Variants in CNOT1 observed in about 807,000 individuals in gnomAD.
CNOT1 encodes the protein CCR4-associated factor 1.
Under a neutral mutation model 273.8 loss-of-function variants are expected in CNOT1, and 15 were observed. That is an observed-to-expected ratio of 0.05 (90% CI 0.04 to 0.08). CNOT1 has a LOEUF of 0.08. Ranked by LOEUF, CNOT1 falls within the 10% of genes least tolerant of loss-of-function variation. CNOT1 has a pLI of 1.00. For synonymous variants in CNOT1, 1,022 were observed against 1,005.5 expected (o/e 1.02, Z -0.31); for missense variants, 1,644 against 2,912.2 (o/e 0.56, Z 10.02).
chr16:58,596,533 CAGT>C (rs897290503), intron 2 of CNOT1, among the ~76,000 whole-genome samples: 8 of 152,006 alleles, frequency 5.3e-5, no homozygotes, highest in African/African-American at 9.7e-5. Context: ...GACAGGTAAA[CAGT>C]GGTGGTGAGG....
chr16:58,577,903 T>C (rs956286050), intron 13 of CNOT1, among the ~76,000 whole-genome samples: 1 of 151,412 alleles, frequency 6.6e-6, no homozygotes, highest in Non-Finnish European at 1.5e-5. Flanking sequence ...GAATACTTAC[T>C]TGCCAAATAC....
At chr16:58,543,000 C>T (rs1435944621) in intron 31 of CNOT1, among the ~76,000 whole-genome samples, 1 of 151,942 alleles carries the variant, frequency 6.6e-6, no homozygotes, top group Non-Finnish European at 1.5e-5. Flanking sequence ...GGCTGAAGCA[C>T]GAGAATCAGT....
In CNOT1 at chr16:58,588,105, C is replaced by A. The variant is rs189625187; in HGVS notation, c.211-227G>T. Among the ~76,000 whole-genome samples the A allele has an allele frequency of 4.2e-3, 633 of 152,238 alleles. 5 individuals carry two copies. Among genetic ancestry groups the A allele is most frequent in the African/African-American group, 0.014 (592 of 41,554 alleles). ...CCTGAGGCCAGGAGTTCAACACCTGCCTGGCCAACATGGTAAAACCCTCTC... is the reference window on the plus strand; with the variant it reads ...CCTGAGGCCAGGAGTTCAACACCTGACTGGCCAACATGGTAAAACCCTCTC... On this transcript the variant is annotated intron_variant, in intron 3 of 48. Transcript: ENST00000317147.
chr16:58,536,333 TCA>T (rs2039929081), intron 39 of CNOT1, among the ~76,000 whole-genome samples: 2 of 152,210 alleles, frequency 1.3e-5, no homozygotes. Flanking sequence ...TCTGATTCCC[TCA>T]CAGTCGCTGA....
At chr16:58,541,255 T>G (rs1328671477) in intron 34 of CNOT1, among the ~76,000 whole-genome samples, 5 of 152,166 alleles carry the variant, frequency 3.3e-5, no homozygotes, top group Non-Finnish European at 7.3e-5. Flanking sequence ...GTTATTATGT[T>G]ACCATGAGAA....
At chr16:58,600,360 T>A (rs2042416761) in intron 1 of CNOT1, among the ~76,000 whole-genome samples, 1 of 152,154 alleles carries the variant, frequency 6.6e-6, no homozygotes. Context: ...TCCAAAGAGT[T>A]TCATTTTAGT....
chr16:58,614,146 A>G lies in CNOT1; in HGVS notation c.-174-14635T>C, dbSNP rs1387118077. 1.6e-5 allele frequency among the ~76,000 whole-genome samples: 2 copies of G among 122,224 alleles called. 1 individual carries two copies. The highest frequency in any genetic ancestry group is 3.9e-5 in the Non-Finnish European group (2 of 51,758). 80.2% of individuals were successfully genotyped at this position (122,224 alleles called of 152,430 possible). A position where few individuals can be genotyped will look rare whatever the true frequency, so the allele number is the denominator to read the frequency against. Reference sequence around the variant, plus strand: ...TCTCAAAACCAAAAAATATTATGCCAGTAGCTTTGCATATTCCAAGACTCT... The same window carrying G: ...TCTCAAAACCAAAAAATATTATGCCGGTAGCTTTGCATATTCCAAGACTCT... On this transcript the variant is annotated intron_variant, in intron 1 of 48. Transcript: ENST00000317147.
At chr16:58,585,253 T>A in intron 8 of CNOT1, 85 bp downstream of exon 8, 1 of 1,568,424 alleles carries the variant, frequency 6.4e-7, no homozygotes, top group Non-Finnish European at 8.6e-7. Context: ...TGATTAACTT[T>A]AAGGAATTTT....
rs561002906 is a variant in CNOT1, at chr16:58,567,632, A to T, written c.1979+6977T>A. On this transcript the variant is annotated intron_variant, in intron 16 of 48. Transcript: ENST00000317147. ...TCCTCTCCTTCATAAAAGCAACTAG[A>T]AAAGTGTCTGAATCAACTTTTTCAG... 2.6e-5 allele frequency among the ~76,000 whole-genome samples: 4 copies of T among 152,178 alleles called. No individual in the cohort carries two copies. In the South Asian group the frequency reaches 8.3e-4, roughly 32 times the overall value.
At position 58,552,594 on chromosome 16, in the gene CNOT1, A is replaced by G. The variant is rs1378522054; in HGVS notation, c.2971-775T>C. Among the ~76,000 whole-genome samples, 6 of 152,182 alleles carry G rather than the reference A, an allele frequency of 3.9e-5. No individual in the cohort carries two copies. The East Asian group carries it at 1.2e-3, about 29-fold the overall frequency. ...TCTCAATCCACTCACTTGAATGAAT[A>G]TACTCCACATTCCCAGAGATTAAGT... On this transcript the variant is annotated intron_variant, in intron 22 of 48. Transcript: ENST00000317147.
At chr16:58,542,040 G>A (rs538472622) in intron 33 of CNOT1, among the ~76,000 whole-genome samples, 191 bp downstream of exon 33, 12 of 152,220 alleles carry the variant, frequency 7.9e-5, no homozygotes, top group Non-Finnish European at 1.2e-4. Context: ...CTCTGGAGGA[G>A]CAAGGGAATT....
At chr16:58,532,105 A>T in intron 41 of CNOT1, 30 bp from the exon 42 acceptor site, 1 of 1,613,666 alleles carries the variant, frequency 6.2e-7, no homozygotes, top group Non-Finnish European at 8.5e-7. Context: ...AGTCAGAAGC[A>T]CAGTCCAACT....
chr16:58,561,768 T>C (rs2040849481), intron 16 of CNOT1, among the ~76,000 whole-genome samples: 1 of 152,144 alleles, frequency 6.6e-6, no homozygotes, highest in Non-Finnish European at 1.5e-5. Context: ...ATGCAAATGG[T>C]TTTTAAAAAA....
chr16:58,598,741 A>G (rs2042356738), intron 2 of CNOT1, among the ~76,000 whole-genome samples: 1 of 152,124 alleles, frequency 6.6e-6, no homozygotes, highest in African/African-American at 2.4e-5. Flanking sequence ...TTCTATGGAA[A>G]ATAAAAAGCT....
rs58567423 is a variant in CNOT1, at chr16:58,596,887, C to CAAAAAAAAA, written c.102+2340_102+2348dup. On this transcript the variant is annotated intron_variant, in intron 2 of 48. Coordinates refer to ENST00000317147, the MANE Select transcript of CNOT1 (RefSeq NM_016284.5). Reference sequence around the variant, plus strand: ...TGGGCGACAAAGTGAGACTCCGTCTCAAAAAAAAAAAAAAAAAAAAAAAAA... The same window carrying CAAAAAAAAA: ...TGGGCGACAAAGTGAGACTCCGTCTCAAAAAAAAAAAAAAAAAAAAAAAAAAAAAAAAAA... Among the ~76,000 whole-genome samples, 26 of 69,980 alleles carry CAAAAAAAAA rather than the reference C, an allele frequency of 3.7e-4. 1 individual carries two copies. The highest frequency in any genetic ancestry group is 8.4e-4 in the African/African-American group (14 of 16,618). The allele number at this position is 69,980 out of a possible 152,430, so 45.9% of individuals were successfully genotyped here.
rs545793024 is a variant in CNOT1, at chr16:58,592,096, T to A, written c.103-3190A>T. ...TTTTAAGCTGTTTAATACAATTTTT[T>A]AATTATTTTACTCGTCTCCCCTTCC... On this transcript the variant is annotated intron_variant, in intron 2 of 48. Coordinates refer to ENST00000317147, the MANE Select transcript of CNOT1 (RefSeq NM_016284.5). Among the ~76,000 whole-genome samples the A allele has an allele frequency of 1.1e-4, 17 of 152,322 alleles. 1 individual carries two copies. In the East Asian group the frequency reaches 3.1e-3, roughly 28 times the overall value.
At chr16:58,609,729 T>C (rs2042823243) in intron 1 of CNOT1, among the ~76,000 whole-genome samples, 1 of 152,044 alleles carries the variant, frequency 6.6e-6, no homozygotes, top group Non-Finnish European at 1.5e-5. Context: ...ACCCAAGGTG[T>C]TGGGATTATA....
intron 1 of CNOT1, chr16:58,624,557 T>A (rs989054517): frequency 2.6e-5 from 4 of 152,154 alleles, no homozygotes; most frequent in Non-Finnish European, 5.9e-5. Context: ...TCCCAGCACT[T>A]TGGGAGGCTG....
intron 12 of CNOT1, among the ~76,000 whole-genome samples, chr16:58,579,923 G>C (rs1011101203): frequency 2.6e-5 from 4 of 152,100 alleles, no homozygotes; most frequent in African/African-American, 4.8e-5. Context: ...AAAAGCATTA[G>C]ATTTGGCCAG....
Sources: gnomAD v4.1 joint callset for allele counts (sites outside exome capture counted in the v4.1 genomes callset) on GRCh38, gnomAD v4.1.1 for gene constraint, MANE v1.5 for transcripts, NCBI Gene and HGNC (gene_info 2026-07-23, HGNC 2026-07-21) for gene names.